The following OTOP1 variants were observed in gnomAD, a reference collection of about 807,000 sequenced individuals.
OTOP1 encodes the protein proton channel OTOP1.
In OTOP1, 59 loss-of-function variants were observed where a neutral mutation model predicts 52.9. The observed-to-expected ratio is 1.12, with a 90% CI of 0.91 to 1.39. OTOP1 has a LOEUF of 1.39. OTOP1 is among the 40% of genes most tolerant of loss of function. OTOP1 has a pLI of 0.00. For synonymous variants in OTOP1, 317 were observed against 337.7 expected (o/e 0.94, Z 0.67); for missense variants, 761 against 800.9 (o/e 0.95, Z 0.60).
chr4:4,209,522 TCTGC>T (rs1315699336), intron 2 of OTOP1, among the ~76,000 whole-genome samples: 6 of 152,190 alleles, frequency 3.9e-5, no homozygotes, highest in African/African-American at 1.2e-4. Flanking sequence ...CAGTCATTCT[TCTGC>T]CTAAAGCCTT....
intron 2 of OTOP1, among the ~76,000 whole-genome samples, chr4:4,209,483 A>G (rs1190558933): frequency 1.3e-5 from 2 of 152,108 alleles, no homozygotes; most frequent in African/African-American, 2.4e-5. Flanking sequence ...ACCAACTAAG[A>G]GGGATATTTT....
intron 3 of OTOP1, among the ~76,000 whole-genome samples, chr4:4,204,712 CTGTGTGTGTGTGTGTGTG>C (rs10526016): frequency 0.67 from 99,851 of 149,942 alleles, 33,533 homozygotes; most frequent in African/African-American, 0.74. Context: ...TTTCCTTCAT[CTGTGTGTGTGTGTGTGTG>C]TGTGTGTGTG....
chr4:4,212,996 T>G lies in OTOP1; in HGVS notation c.412A>C (p.Thr138Pro). ...ATGACGGTAATGACTGCAAACAATG[T>G]GATACTACCTAAATGTGGGATGAAG... Reference protein sequence around the residue: ...AGAGWLRGSITLFAVITVILG... With the variant: ...AGAGWLRGSIPLFAVITVILG... The change falls in exon 2 of 6, where the codon ACA (threonine) becomes CCA (proline). Residue 138 changes from threonine (T) to proline (P), a missense_variant. By Grantham distance (38) the Thr-to-Pro change is conservative. This residue lies in a region of OTOP1 where 632 missense variants were observed against 619.5 expected (regional missense o/e 1.02). Coordinates refer to ENST00000296358, the MANE Select transcript of OTOP1 (RefSeq NM_177998.3). The G allele has an allele frequency of 6.2e-7, 1 of 1,613,928 alleles. No individual in the cohort carries two copies. The highest frequency in any genetic ancestry group is 8.5e-7 in the Non-Finnish European group (1 of 1,179,788).
At position 4,203,832 on chromosome 4, in the gene OTOP1, A is replaced by T. The variant is rs1009564440; in HGVS notation, c.600-1254T>A. 4.3e-4 allele frequency among the ~76,000 whole-genome samples: 66 copies of T among 152,178 alleles called. 1 individual carries two copies. The highest frequency in any genetic ancestry group is 1.6e-3 in the African/African-American group (65 of 41,444). ...CCACAGGAAGCATGATTCTGGTTTC[A>T]CCTGGCAGCTCAGGCTTTGGGTGGG... On this transcript the variant is annotated intron_variant, in intron 3 of 5. Coordinates refer to ENST00000296358, the MANE Select transcript of OTOP1 (RefSeq NM_177998.3).
intron 2 of OTOP1, among the ~76,000 whole-genome samples, chr4:4,207,997 G>A (rs1472362721): frequency 1.3e-5 from 2 of 152,162 alleles, no homozygotes; most frequent in African/African-American, 4.8e-5. Context: ...TGTGAGAGGG[G>A]GTAGAGGAAT....
intron 4 of OTOP1, among the ~76,000 whole-genome samples, chr4:4,202,237 A>G (rs1271007582): frequency 6.6e-6 from 1 of 152,184 alleles, no homozygotes; most frequent in African/African-American, 2.4e-5. Context: ...GAGTCATGGA[A>G]GAAACCTTTA....
chr4:4,215,154 G>A (rs974313530), intron 1 of OTOP1, among the ~76,000 whole-genome samples: 7 of 152,232 alleles, frequency 4.6e-5, no homozygotes, highest in African/African-American at 1.7e-4. Flanking sequence ...CTGTTGAGCT[G>A]CGAAGGTAAA....
intron 1 of OTOP1, among the ~76,000 whole-genome samples, chr4:4,225,811 A>G (rs1717417576): frequency 6.6e-6 from 1 of 152,114 alleles, no homozygotes; most frequent in Non-Finnish European, 1.5e-5. Flanking sequence ...TGGAGGGTAC[A>G]GACATGTTGA....
Position 4,226,518 on chromosome 4 carries a change from G to C in OTOP1, c.347C>G (p.Ala116Gly). ...CTTGAGGCGGAAGAGGCGGCGGTGCGCGGAGCTGCGGCCCACGTACCACAG... is the reference window on the plus strand; with the variant it reads ...CTTGAGGCGGAAGAGGCGGCGGTGCCCGGAGCTGCGGCCCACGTACCACAG... The part of the protein sequence containing the change: ...WMLWYVGRSS[A>G]HRRLFRLKDT... Residue 116 changes from alanine (A) to glycine (G), a missense_variant, in exon 1 of 6, where the codon GCG (alanine) becomes GGG (glycine). Coordinates refer to ENST00000296358, the MANE Select transcript of OTOP1 (RefSeq NM_177998.3). 5 of 1,588,826 alleles carry C rather than the reference G, an allele frequency of 3.1e-6. No individual in the cohort carries two copies. The Admixed American group carries it at 6.8e-5, about 22-fold the overall frequency.
At chr4:4,190,802 T>C (rs1421855503) in intron 5 of OTOP1, among the ~76,000 whole-genome samples, 1 of 152,144 alleles carries the variant, frequency 6.6e-6, no homozygotes, top group African/African-American at 2.4e-5. Flanking sequence ...CTCTCCTACC[T>C]GTTTGGCGGG....
At position 4,197,870 on chromosome 4, in the gene OTOP1, G is replaced by C. The variant is rs762903880; in HGVS notation, c.964C>G (p.Leu322Val). 6.2e-7 allele frequency: 1 copy of C among 1,614,108 alleles called. No homozygotes were observed. Among genetic ancestry groups the C allele is most frequent in the Admixed American group, 1.7e-5 (1 of 60,018 alleles). The change falls in exon 5 of 6, where the codon CTG (leucine) becomes GTG (valine). Residue 322 changes from leucine to valine, a missense_variant. Coordinates refer to ENST00000296358, the MANE Select transcript of OTOP1 (RefSeq NM_177998.3). ...ACCACCACAGCAATGGTGGCGGCCA[G>C]CACGGTCAGGCCCAGGACTGCGCCC... ...MVGAVLGLTVLAATIAVVVVY... is the reference protein window; with the variant it reads ...MVGAVLGLTVVAATIAVVVVY...
chr4:4,196,303 G>A (rs897421499), intron 5 of OTOP1, among the ~76,000 whole-genome samples: 1 of 152,114 alleles, frequency 6.6e-6, no homozygotes, highest in African/African-American at 2.4e-5. Context: ...TGTAATCCTA[G>A]CATTTTGGGA....
rs564521865 is a variant in OTOP1 at position 4,194,784 on chromosome 4, A to G, written c.1668+2382T>C. On this transcript the variant is annotated intron_variant, in intron 5 of 5. Coordinates refer to ENST00000296358, the MANE Select transcript of OTOP1 (RefSeq NM_177998.3). ...TGGACTGGGGCACTCCCCTCCAGCC[A>G]CCAGTCACCATCACTGCAGAGACTC... is the stretch of plus-strand genomic sequence containing the variant. Among the ~76,000 whole-genome samples the G allele has an allele frequency of 9.3e-4, 141 of 152,266 alleles. 2 individuals are homozygous for G. The South Asian group carries it at 0.027, about 29-fold the overall frequency.
chr4:4,200,019 G>A (rs766631763), intron 4 of OTOP1, among the ~76,000 whole-genome samples: 8 of 152,086 alleles, frequency 5.3e-5, no homozygotes, highest in African/African-American at 9.7e-5. Flanking sequence ...GTCTCTTGTC[G>A]AAGGTTGCAA....
Position 4,226,604 on chromosome 4 carries a change from C to T in OTOP1, c.261G>A (p.Val87=), listed in dbSNP as rs763471371. The T allele has an allele frequency of 6.2e-7, 1 of 1,601,614 alleles. No homozygotes were observed. The highest frequency in any genetic ancestry group is 2.3e-5 in the East Asian group (1 of 44,114). The change falls in exon 1 of 6, where the codon GTG becomes GTA. Residue 87 remains valine (V), a synonymous_variant. Coordinates refer to ENST00000296358, the MANE Select transcript of OTOP1 (RefSeq NM_177998.3). ...LLAWAVHAAG[V]SKSDLLCFLT... ...GGAAGCACAGCAGGTCGCTCTTGCT[C>T]ACGCCCGCGGCGTGCACGGCCCAGG...
chr4:4,202,710 G>A, intron 3 of OTOP1, 132 bp from the exon 4 acceptor site: 2 of 1,179,094 alleles, frequency 1.7e-6, no homozygotes, highest in Admixed American at 2.2e-5. Flanking sequence ...GGCAGTTCAG[G>A]CTCTGGGTGG....
chr4:4,221,031 T>C (rs1400090117), intron 1 of OTOP1, among the ~76,000 whole-genome samples: 2 of 149,032 alleles, frequency 1.3e-5, no homozygotes, highest in African/African-American at 2.5e-5. Context: ...TTTATTTATA[T>C]ATTATTTTAT....
intron 4 of OTOP1, among the ~76,000 whole-genome samples, chr4:4,200,739 T>TTTTTC (rs1716765128): frequency 6.7e-6 from 1 of 149,404 alleles, no homozygotes; most frequent in Non-Finnish European, 1.5e-5. Context: ...TTTTTTTTTT[T>TTTTTC]CAGAGCTGGG....
intron 5 of OTOP1, among the ~76,000 whole-genome samples, chr4:4,191,672 C>T (rs558071941): frequency 9.2e-5 from 14 of 152,344 alleles, no homozygotes; most frequent in South Asian, 6.2e-4. Context: ...TCCCTCTGAT[C>T]TACAATGGCT....
Sources: allele counts gnomAD v4.1 joint callset (sites outside exome capture counted in the v4.1 genomes callset), GRCh38; gene constraint gnomAD v4.1.1; regional missense constraint gnomAD v4.1.1; transcripts MANE v1.5; gene names NCBI Gene and HGNC (gene_info 2026-07-23, HGNC 2026-07-21).